Variants in INPP4B observed in about 807,000 individuals in gnomAD.
INPP4B encodes inositol polyphosphate 4-phosphatase type II.
In INPP4B, 55 loss-of-function variants were observed where a neutral mutation model predicts 122.5. That is an observed-to-expected ratio of 0.45 (90% confidence interval 0.36 to 0.56). INPP4B has a LOEUF of 0.56. Among genes scored for constraint, INPP4B ranks in the 20% least tolerant of loss-of-function variants. The pLI is 0.00. For synonymous variants in INPP4B, 403 were observed against 388.7 expected (o/e 1.04, Z -0.43); for missense variants, 1,000 against 1,097.7 (o/e 0.91, Z 1.26).
At chr4:142,668,899 A>AG (rs897826054) in intron 2 of INPP4B, among the ~76,000 whole-genome samples, 10 of 151,700 alleles carry the variant, frequency 6.6e-5, no homozygotes, top group African/African-American at 1.9e-4. Flanking sequence ...AATACAAAAA[A>AG]AAAAAATTAG....
At chr4:142,643,113 G>C (rs753069069) in intron 2 of INPP4B, among the ~76,000 whole-genome samples, 2 of 152,150 alleles carry the variant, frequency 1.3e-5, no homozygotes, top group Non-Finnish European at 2.9e-5. Context: ...TTTGCACGTT[G>C]ATTTTGTATC....
chr4:142,804,283 C>T (rs1403839550), intron 1 of INPP4B, among the ~76,000 whole-genome samples: 2 of 151,998 alleles, frequency 1.3e-5, no homozygotes, highest in African/African-American at 2.4e-5. Flanking sequence ...ATGGTAATAC[C>T]GAAATTCTTA....
chr4:142,729,140 A>T (rs1472761925), intron 1 of INPP4B, among the ~76,000 whole-genome samples: 2 of 152,148 alleles, frequency 1.3e-5, no homozygotes, highest in South Asian at 4.1e-4. Flanking sequence ...AAGAGGGTTC[A>T]TGCTCCTATG....
At chr4:142,253,383 A>G (rs1377714299) in intron 11 of INPP4B, among the ~76,000 whole-genome samples, 1 of 152,252 alleles carries the variant, frequency 6.6e-6, no homozygotes, top group South Asian at 2.1e-4. Context: ...GCTCCGGTCT[A>G]CAGCTCCCAG....
chr4:142,288,255 G>A (rs953344153), intron 9 of INPP4B, among the ~76,000 whole-genome samples: 14 of 152,140 alleles, frequency 9.2e-5, no homozygotes, highest in Admixed American at 5.2e-4. Context: ...CACTTGATTT[G>A]TATTTGTAAA....
intron 2 of INPP4B, among the ~76,000 whole-genome samples, chr4:142,522,358 A>G (rs969731124): frequency 1.2e-4 from 13 of 108,950 alleles, no homozygotes; most frequent in Non-Finnish European, 1.9e-4. Context: ...ACCCCGAGAC[A>G]TGAGATTTCC....
At chr4:142,367,633 C>T (rs764107697) in intron 7 of INPP4B, among the ~76,000 whole-genome samples, 4 of 152,020 alleles carry the variant, frequency 2.6e-5, no homozygotes, top group Non-Finnish European at 4.4e-5. Context: ...CTGATAGTCA[C>T]GAAGGTTTGT....
intron 2 of INPP4B, among the ~76,000 whole-genome samples, chr4:142,634,457 C>A (rs937519821): frequency 1.3e-5 from 2 of 152,034 alleles, no homozygotes; most frequent in Non-Finnish European, 2.9e-5. Flanking sequence ...TAAGAAAAAT[C>A]AAGTCCAACA....
Position 142,507,111 on chromosome 4 carries a change from C to A in INPP4B, c.-190-44385G>T, listed in dbSNP as rs527591222. On this transcript the variant is annotated intron_variant, in intron 2 of 25. Transcript: ENST00000262992. ...CTTTGATAATGTCTCCAGATGAATT[C>A]GTATTTTCTTTTGTGCTCCTATAGC... Among the ~76,000 whole-genome samples, 11 of 152,156 alleles carry A rather than the reference C, an allele frequency of 7.2e-5. No individual in the cohort carries two copies. In the South Asian group the frequency reaches 8.3e-4, roughly 11 times the overall value.
chr4:142,839,483 C>T (rs1783224133), intron 1 of INPP4B, among the ~76,000 whole-genome samples: 1 of 152,052 alleles, frequency 6.6e-6, no homozygotes, highest in African/African-American at 2.4e-5. Context: ...AAGTCTATAC[C>T]TCAATCATGT....
intron 2 of INPP4B, among the ~76,000 whole-genome samples, chr4:142,502,280 G>A (rs1160177915): frequency 6.6e-6 from 1 of 152,040 alleles, no homozygotes; most frequent in Admixed American, 6.6e-5. Flanking sequence ...TCACACCCAG[G>A]ACCCAGAGCT....
At chr4:142,823,724 T>C (rs777001509) in intron 1 of INPP4B, among the ~76,000 whole-genome samples, 1 of 152,216 alleles carries the variant, frequency 6.6e-6, no homozygotes, top group African/African-American at 2.4e-5. Flanking sequence ...GTTGGAATGA[T>C]AGCGTTTTGA....
At chr4:142,684,173 T>C (rs969448928) in intron 2 of INPP4B, among the ~76,000 whole-genome samples, 2 of 152,060 alleles carry the variant, frequency 1.3e-5, no homozygotes, top group Non-Finnish European at 2.9e-5. Flanking sequence ...TCCTCATGTT[T>C]GCAAGTGGGA....
intron 18 of INPP4B, among the ~76,000 whole-genome samples, chr4:142,135,695 G>A (rs558718881): frequency 6.6e-6 from 1 of 152,216 alleles, no homozygotes; most frequent in Admixed American, 6.5e-5. Context: ...AAAAACAGGA[G>A]GACCTATTCA....
At chr4:142,248,246 C>A (rs781674520) in intron 11 of INPP4B, among the ~76,000 whole-genome samples, 4 of 151,768 alleles carry the variant, frequency 2.6e-5, no homozygotes, top group Non-Finnish European at 5.9e-5. Flanking sequence ...TTTTTGAAGC[C>A]TTTTCCCCAT....
intron 7 of INPP4B, among the ~76,000 whole-genome samples, chr4:142,347,910 T>C (rs184256279): frequency 6.6e-6 from 1 of 152,118 alleles, no homozygotes; most frequent in East Asian, 1.9e-4. Flanking sequence ...AATAATTTCC[T>C]GATACCCTGA....
intron 1 of INPP4B, among the ~76,000 whole-genome samples, chr4:142,788,111 T>C (rs144662703): frequency 2.7e-4 from 41 of 152,182 alleles, no homozygotes; most frequent in African/African-American, 9.6e-4. Flanking sequence ...CTGACCCATG[T>C]GGCGCAGAGC....
intron 2 of INPP4B, among the ~76,000 whole-genome samples, chr4:142,716,497 A>G (rs1763787097): frequency 6.6e-6 from 1 of 152,176 alleles, no homozygotes. Context: ...ACGGCAGAAC[A>G]AAAAATTACT....
Position 142,765,377 on chromosome 4 carries a change from A to G in INPP4B, c.-253-39476T>C, listed in dbSNP as rs57439324. ...AGAGTTGTGACCACCTGAGTATATC[A>G]TGAGTCTTAAAGCACAGCAAGTGGT... is the stretch of plus-strand genomic sequence containing the variant. On this transcript the variant is annotated intron_variant, in intron 1 of 25. Transcript: ENST00000262992. Among the ~76,000 whole-genome samples the G allele has an allele frequency of 5.2e-3, 794 of 152,236 alleles. 9 individuals carry two copies. The highest frequency in any genetic ancestry group is 0.018 in the African/African-American group (754 of 41,554).
Sources: allele counts gnomAD v4.1 joint callset (sites outside exome capture counted in the v4.1 genomes callset), GRCh38; gene constraint gnomAD v4.1.1; transcripts MANE v1.5; gene names NCBI Gene and HGNC (gene_info 2026-07-23, HGNC 2026-07-21).